Variants in PCDH15 observed in about 807,000 individuals in gnomAD.
PCDH15 encodes protocadherin related 15.
A neutral mutation model predicts 178.5 loss-of-function variants in PCDH15; 129 were observed. That is an observed-to-expected ratio of 0.72 (90% CI 0.63 to 0.84). The LOEUF (loss-of-function observed/expected upper bound fraction) is 0.84, where lower values mean the gene tolerates loss of function less well. Among genes scored for constraint, PCDH15 ranks in the 40% least tolerant of loss-of-function variants. The probability of loss-of-function intolerance (pLI) is 0.00; values close to 1 mark genes in which losing one functional copy is unlikely to be tolerated. For missense variants in PCDH15, 2,230 were observed against 2,099.9 expected (o/e 1.06, Z -1.21); for synonymous variants, 800 against 732.0 (o/e 1.09, Z -1.50).
At chr10:54,299,688 T>C (rs1464599652) in intron 8 of PCDH15, among the ~76,000 whole-genome samples, 2 of 152,170 alleles carry the variant, frequency 1.3e-5, no homozygotes, top group African/African-American at 2.4e-5. Context: ...AGATGGTTCC[T>C]CCCAGGCAGT....
intron 2 of PCDH15, among the ~76,000 whole-genome samples, chr10:55,374,506 T>C (rs554352677): frequency 6.6e-6 from 1 of 152,096 alleles, no homozygotes; most frequent in Non-Finnish European, 1.5e-5. Context: ...AGGCAATAGA[T>C]ATCACTTGCT....
rs148352943 is a variant in PCDH15, at chr10:55,283,088, G to A, written c.-156+36511C>T. ...GAAATTATGGTTTAGGAGTCATGCA[G>A]CTGGAGGCTGTAAGTTTCCAAACCT... On this transcript the variant is annotated intron_variant, in intron 1 of 5. Transcript: ENST00000458638. Among the ~76,000 whole-genome samples, 362 of 152,300 alleles carry A rather than the reference G, an allele frequency of 2.4e-3. 1 individual carries two copies. The highest frequency in any genetic ancestry group is 0.017 in the Middle Eastern group (5 of 294).
chr10:54,334,885 T>A (rs1225514882), intron 6 of PCDH15, among the ~76,000 whole-genome samples: 1 of 152,208 alleles, frequency 6.6e-6, no homozygotes, highest in African/African-American at 2.4e-5. Context: ...CTTATCTTTG[T>A]GTCTTTTTCT....
In PCDH15 at chr10:54,664,167, C is replaced by G; in HGVS notation, c.91+5G>C. On this transcript the variant is annotated splice_donor_5th_base_variant and intron_variant, in intron 2 of 37. Transcript: ENST00000644397. The stretch of plus-strand genomic sequence containing the variant: ...CTCTAAAGGTCAAGCTAAAAGCAAC[C>G]TTACCATCATCATACTGGCCCAAGC... The G allele has an allele frequency of 1.2e-6, 2 of 1,610,126 alleles. No individual in the cohort carries two copies. Among genetic ancestry groups the G allele is most frequent in the Non-Finnish European group, 1.7e-6 (2 of 1,177,264 alleles).
chr10:55,174,275 CCCCACTGAAA>C (rs1272886914), intron 1 of PCDH15, among the ~76,000 whole-genome samples: 1 of 152,106 alleles, frequency 6.6e-6, no homozygotes, highest in African/African-American at 2.4e-5. Flanking sequence ...GACTCAGGGT[CCCCACTGAAA>C]CCCGATCTTG....
At chr10:53,825,073 T>C in intron 32 of PCDH15, 1 of 1,456,698 alleles carries the variant, frequency 6.9e-7, no homozygotes, top group African/African-American at 1.5e-5. Context: ...AACAGCATTT[T>C]AATCTGTTCT....
chr10:54,152,139 G>C (rs2044602508), intron 14 of PCDH15, among the ~76,000 whole-genome samples: 1 of 152,102 alleles, frequency 6.6e-6, no homozygotes, highest in African/African-American at 2.4e-5. Context: ...ACCTCCTACT[G>C]TGTACTAAGA....
At chr10:54,832,026 C>T (rs1418925641) in intron 3 of PCDH15, among the ~76,000 whole-genome samples, 3 of 151,928 alleles carry the variant, frequency 2.0e-5, no homozygotes, top group African/African-American at 7.3e-5. Flanking sequence ...TATTTAAATA[C>T]CTTGAATTCA....
At chr10:54,100,885 AC>A (rs1333805393) in intron 15 of PCDH15, among the ~76,000 whole-genome samples, 1 of 151,970 alleles carries the variant, frequency 6.6e-6, no homozygotes, top group Admixed American at 6.6e-5. Context: ...CTGCAAGGTT[AC>A]ATGTATACTT....
At chr10:53,821,287 G>A in intron 32 of PCDH15, 64 of 984,634 alleles carry the variant, frequency 6.5e-5, no homozygotes, top group Non-Finnish European at 7.6e-5. Context: ...GAAAACAGAT[G>A]ACTACATGTT....
chr10:55,081,029 T>C (rs550924811), intron 2 of PCDH15, among the ~76,000 whole-genome samples: 1 of 152,190 alleles, frequency 6.6e-6, no homozygotes, highest in African/African-American at 2.4e-5. Flanking sequence ...ACAAGGAGCT[T>C]TGGGGGTCTC....
Position 54,260,274 on chromosome 10 carries a change from T to C in PCDH15, c.877-23343A>G, listed in dbSNP as rs144905028. ...TGGGAGAAACTATTTAAAAAGTCCA[T>C]TAACTTTTTCTAAATGTTTAATTTT... On this transcript the variant is annotated intron_variant, in intron 8 of 37. Coordinates refer to ENST00000644397, the MANE Select transcript of PCDH15 (RefSeq NM_001384140.1). Among the ~76,000 whole-genome samples the C allele has an allele frequency of 9.8e-3, 1,490 of 152,274 alleles. 12 individuals carry two copies. The highest frequency in any genetic ancestry group is 0.02 in the Middle Eastern group (6 of 294).
At chr10:54,520,841 T>A (rs2082775254) in intron 3 of PCDH15, among the ~76,000 whole-genome samples, 1 of 150,710 alleles carries the variant, frequency 6.6e-6, no homozygotes, top group East Asian at 2.0e-4. Flanking sequence ...TAGACTGGAT[T>A]AAGAAAATGT....
chr10:55,599,835 G>T (rs939218937), intron 2 of PCDH15: 1 of 992,452 alleles, frequency 1.0e-6, no homozygotes, highest in Non-Finnish European at 1.4e-6. Flanking sequence ...ATGTTTAAGG[G>T]TTGCGGTATC....
chr10:54,324,519 T>C (rs963333469), intron 7 of PCDH15, among the ~76,000 whole-genome samples: 5 of 152,104 alleles, frequency 3.3e-5, no homozygotes, highest in African/African-American at 1.2e-4. Context: ...TCCCAGAACA[T>C]TGGAAGGCCA....
chr10:54,519,162 TG>T, intron 3 of PCDH15, among the ~76,000 whole-genome samples: 2 of 152,260 alleles, frequency 1.3e-5, no homozygotes, highest in East Asian at 3.9e-4. Flanking sequence ...AAGACAGGGA[TG>T]CCCTCTCTCA....
intron 3 of PCDH15, among the ~76,000 whole-genome samples, chr10:54,437,136 T>C (rs2075474038): frequency 6.6e-6 from 1 of 152,176 alleles, no homozygotes; most frequent in South Asian, 2.1e-4. Flanking sequence ...AAATGTATAC[T>C]CTTTACCAGC....
intron 23 of PCDH15, among the ~76,000 whole-genome samples, chr10:53,951,355 T>A (rs11003942): frequency 0.013 from 1,513 of 115,944 alleles, 25 homozygotes; most frequent in African/African-American, 0.043. Context: ...TTGGAGATAA[T>A]TTTGAGAAAG....
chr10:54,090,438 T>G (rs2094581080), intron 15 of PCDH15, among the ~76,000 whole-genome samples: 1 of 151,394 alleles, frequency 6.6e-6, no homozygotes, highest in African/African-American at 2.4e-5. Context: ...AGATCAGGAG[T>G]TCAAGACTAG....
Sources: allele counts gnomAD v4.1 joint callset (sites outside exome capture counted in the v4.1 genomes callset), GRCh38; gene constraint gnomAD v4.1.1; transcripts MANE v1.5; gene names NCBI Gene and HGNC (gene_info 2026-07-23, HGNC 2026-07-21).